VWA3B: variants seen among roughly 807,000 people sequenced by gnomAD.
VWA3B encodes von Willebrand factor A domain-containing protein 3B.
Under a neutral mutation model 158.3 loss-of-function variants are expected in VWA3B, and 138 were observed. That is an observed-to-expected ratio of 0.87 (90% CI 0.76 to 1.00). VWA3B has a LOEUF of 1.00. Ranked by LOEUF, VWA3B falls within the 50% of genes least tolerant of loss-of-function variation. The pLI, the probability that VWA3B is intolerant of heterozygous loss-of-function variation, is 0.00. For synonymous variants in VWA3B, 596 were observed against 587.3 expected, an observed-to-expected ratio of 1.01 and a Z score of -0.21; for missense variants, 1,555 against 1,565.1, an observed-to-expected ratio of 0.99 and a Z score of 0.11.
chr2:98,107,282 G>C (rs1428185084), intron 2 of VWA3B, among the ~76,000 whole-genome samples: 1 of 151,886 alleles, frequency 6.6e-6, no homozygotes, highest in Admixed American at 6.6e-5. Flanking sequence ...GAAGAATATT[G>C]GTCTGCAGTT....
At chr2:98,088,182 T>G (rs1484190460) in intron 1 of VWA3B, among the ~76,000 whole-genome samples, 2 of 152,230 alleles carry the variant, frequency 1.3e-5, no homozygotes, top group African/African-American at 4.8e-5. Context: ...CGTTCACAAA[T>G]TCACCTAAAT....
At chr2:98,299,620 G>A (rs972587133) in intron 24 of VWA3B, among the ~76,000 whole-genome samples, 1 of 152,210 alleles carries the variant, frequency 6.6e-6, no homozygotes, top group African/African-American at 2.4e-5. Flanking sequence ...TCCTTTTTCT[G>A]CTGCAAATTC....
At chr2:98,256,048 C>A in intron 20 of VWA3B, 76 bp from the exon 21 acceptor site, 6 of 1,534,546 alleles carry the variant, frequency 3.9e-6, no homozygotes, top group Admixed American at 3.5e-5. Flanking sequence ...GCTCCCACTG[C>A]GGTGCCTGGG....
At chr2:98,131,100 T>A in intron 6 of VWA3B, among the ~76,000 whole-genome samples, 1 of 152,170 alleles carries the variant, frequency 6.6e-6, no homozygotes, top group South Asian at 2.1e-4. Context: ...CCTATTTTTA[T>A]CCCCCGATCC....
At chr2:98,106,592 C>T (rs1208016430) in intron 2 of VWA3B, among the ~76,000 whole-genome samples, 5 of 152,014 alleles carry the variant, frequency 3.3e-5, no homozygotes, top group African/African-American at 4.8e-5. Context: ...TTTCAGTATA[C>T]GAAGCCTGCA....
At chr2:98,319,171 G>T in the VWA3B span, among the ~76,000 whole-genome samples, 13 of 151,524 alleles carry the variant, frequency 8.6e-5, no homozygotes, top group Admixed American at 3.3e-4. Flanking sequence ...AATAAAATTA[G>T]ATCCATGCCT....
At chr2:98,306,331 G>A (rs1225564562) in intron 26 of VWA3B, among the ~76,000 whole-genome samples, 1 of 152,094 alleles carries the variant, frequency 6.6e-6, no homozygotes. Context: ...AATCCCAGTT[G>A]CCAGGGTCCA....
rs1013956308 is a variant in VWA3B, at chr2:98,187,980, G to A, written c.1317G>A (p.Thr439=). 4.3e-6 allele frequency: 7 copies of A among 1,610,666 alleles called. No individual in the cohort carries two copies. The highest frequency in any genetic ancestry group is 4.0e-5 in the African/African-American group (3 of 74,802). ...ENESVQTSAE[T]NKKTVHAKYC... ...GTCCTTTGTCATCTCCTTAGGAGAC[G>A]AACAAGAAGACAGTCCATGCAAAAT... is the stretch of plus-strand genomic sequence containing the variant. The change falls in exon 10 of 28, where the codon ACG becomes ACA. Residue 439 remains threonine, a synonymous_variant. Transcript: ENST00000477737.
chr2:98,268,748 G>A (rs904270572), intron 21 of VWA3B, among the ~76,000 whole-genome samples: 4 of 147,120 alleles, frequency 2.7e-5, no homozygotes, highest in Non-Finnish European at 6.0e-5. Context: ...CTTAAATTCT[G>A]ATACCCAGAT....
At chr2:98,201,683 T>A (rs941799462) in intron 12 of VWA3B, among the ~76,000 whole-genome samples, 4 of 152,182 alleles carry the variant, frequency 2.6e-5, no homozygotes, top group Non-Finnish European at 5.9e-5. Flanking sequence ...TCTTGGTTTT[T>A]TGAGGATTGT....
intron 5 of VWA3B, among the ~76,000 whole-genome samples, chr2:98,126,749 T>C (rs1001507589): frequency 2.0e-5 from 3 of 152,242 alleles, no homozygotes; most frequent in Non-Finnish European, 4.4e-5. Flanking sequence ...AATCAGGAGC[T>C]GGCGTTGAAA....
At chr2:98,240,600 AG>A (rs1326024145) in intron 19 of VWA3B, among the ~76,000 whole-genome samples, 41 of 152,218 alleles carry the variant, frequency 2.7e-4, no homozygotes, top group Admixed American at 1.6e-3. Flanking sequence ...CTTCCTAAGA[AG>A]AACTCTGTGT....
At chr2:98,147,544 A>G (rs1166596796) in intron 7 of VWA3B, among the ~76,000 whole-genome samples, 3 of 152,330 alleles carry the variant, frequency 2.0e-5, no homozygotes, top group African/African-American at 7.2e-5. Flanking sequence ...TTACTATAAA[A>G]TTTTTGTAGT....
At chr2:98,264,722 G>A (rs1176962374) in intron 21 of VWA3B, among the ~76,000 whole-genome samples, 1 of 152,070 alleles carries the variant, frequency 6.6e-6, no homozygotes, top group Non-Finnish European at 1.5e-5. Flanking sequence ...TGTTGGTTAG[G>A]CCCAGTTGAT....
At chr2:98,261,652 T>C (rs961738407) in intron 21 of VWA3B, among the ~76,000 whole-genome samples, 4 of 151,766 alleles carry the variant, frequency 2.6e-5, no homozygotes, top group African/African-American at 9.7e-5. Context: ...GTCTTCATTT[T>C]TGAAGAGTAG....
intron 12 of VWA3B, among the ~76,000 whole-genome samples, chr2:98,196,574 A>G (rs1682062264): frequency 6.6e-6 from 1 of 152,166 alleles, no homozygotes; most frequent in African/African-American, 2.4e-5. Context: ...GCCAGGGAGC[A>G]CAAGCTGTGG....
At chr2:98,220,949 A>G (rs2105625112) in intron 14 of VWA3B, among the ~76,000 whole-genome samples, 1 of 152,238 alleles carries the variant, frequency 6.6e-6, no homozygotes, top group South Asian at 2.1e-4. Flanking sequence ...GGAGGGGAAC[A>G]TCACACACCT....
chr2:98,242,752 G>A (rs1686160625), intron 19 of VWA3B, among the ~76,000 whole-genome samples: 1 of 149,216 alleles, frequency 6.7e-6, no homozygotes, highest in South Asian at 2.2e-4. Flanking sequence ...TAAAGCATTT[G>A]CTATCATCAA....
intron 7 of VWA3B, among the ~76,000 whole-genome samples, chr2:98,138,773 A>C (rs955525184): frequency 6.6e-6 from 1 of 152,218 alleles, no homozygotes; most frequent in African/African-American, 2.4e-5. Flanking sequence ...TGAGTGCCTG[A>C]ACCTGGGTAC....
Sources: gnomAD v4.1 joint callset for allele counts (sites outside exome capture counted in the v4.1 genomes callset) on GRCh38, gnomAD v4.1.1 for gene constraint, MANE v1.5 for transcripts, NCBI Gene and HGNC (gene_info 2026-07-23, HGNC 2026-07-21) for gene names.